The following CHRM3 variants were observed in gnomAD, a reference collection of about 807,000 sequenced individuals.
The protein encoded by CHRM3 is muscarinic acetylcholine receptor M3.
Under a neutral mutation model 41.8 loss-of-function variants are expected in CHRM3, and 11 were observed. That is an observed-to-expected ratio of 0.26 (90% CI 0.17 to 0.44). The LOEUF (loss-of-function observed/expected upper bound fraction) is 0.44, where lower values mean the gene tolerates loss of function less well. CHRM3 is among the 20% of genes least tolerant of loss of function. The pLI is 1.00. For missense variants in CHRM3, 571 were observed against 745.4 expected (o/e 0.77, Z 2.72); for synonymous variants, 297 against 301.4 (o/e 0.99, Z 0.15).
chr1:239,688,771 A>G (rs1659424726), intron 5 of CHRM3, among the ~76,000 whole-genome samples: 1 of 138,034 alleles, frequency 7.2e-6, no homozygotes, highest in South Asian at 2.1e-4. Flanking sequence ...AATATATAAT[A>G]CACTATTCAA....
chr1:239,549,167 A>G (rs956649496), intron 3 of CHRM3, among the ~76,000 whole-genome samples: 14 of 152,218 alleles, frequency 9.2e-5, no homozygotes, highest in Admixed American at 4.6e-4. Flanking sequence ...CAATGATTCA[A>G]TTACCTCCCA....
Position 239,890,109 on chromosome 1 carries a change from C to T in CHRM3, c.-19-17324C>T, listed in dbSNP as rs113666603. On this transcript the variant is annotated intron_variant, in intron 6 of 6. Transcript: ENST00000676153. ...GAGAGGTCGGGAGTTTGAGACCAGC[C>T]TGACCAACATGGAGAAACCCCGTCT... Among the ~76,000 whole-genome samples, 177 of 152,204 alleles carry T rather than the reference C, an allele frequency of 1.2e-3. 4 individuals are homozygous for T. Among genetic ancestry groups the T allele is most frequent in the African/African-American group, 4.0e-3 (168 of 41,530 alleles).
intron 5 of CHRM3, among the ~76,000 whole-genome samples, chr1:239,736,872 A>G (rs1664437549): frequency 6.6e-6 from 1 of 152,172 alleles, no homozygotes; most frequent in Non-Finnish European, 1.5e-5. Flanking sequence ...CCATTGGGTA[A>G]TCATAGAAAT....
intron 2 of CHRM3, among the ~76,000 whole-genome samples, chr1:239,530,890 G>A (rs2148327904): frequency 6.6e-6 from 1 of 152,192 alleles, no homozygotes; most frequent in Non-Finnish European, 1.5e-5. Flanking sequence ...GAAAAAGGCA[G>A]AAAAGGCAGA....
chr1:239,564,816 G>GA (rs947836898), intron 3 of CHRM3, among the ~76,000 whole-genome samples: 1 of 152,056 alleles, frequency 6.6e-6, no homozygotes, highest in African/African-American at 2.4e-5. Flanking sequence ...AGTTTGGAGG[G>GA]AAAAAATAAT....
At chr1:239,478,289 G>T (rs563446910) in intron 1 of CHRM3, among the ~76,000 whole-genome samples, 1 of 152,286 alleles carries the variant, frequency 6.6e-6, no homozygotes, top group African/African-American at 2.4e-5. Context: ...AAAAGAAGGA[G>T]TGTACTCATT....
At chr1:239,798,002 T>C (rs1669928441) in intron 5 of CHRM3, among the ~76,000 whole-genome samples, 1 of 152,068 alleles carries the variant, frequency 6.6e-6, no homozygotes, top group African/African-American at 2.4e-5. Context: ...TGAGCTGTGA[T>C]TGCACCACTG....
intron 1 of CHRM3, among the ~76,000 whole-genome samples, chr1:239,409,943 C>T (rs933231345): frequency 3.3e-5 from 5 of 151,780 alleles, no homozygotes; most frequent in Non-Finnish European, 7.4e-5. Flanking sequence ...TCCGTCTCAA[C>T]AAAAACAAAC....
At chr1:239,835,493 A>G (rs923319264) in intron 6 of CHRM3, among the ~76,000 whole-genome samples, 16 of 152,168 alleles carry the variant, frequency 1.1e-4, no homozygotes, top group Non-Finnish European at 2.2e-4. Flanking sequence ...CTTAGAAAAT[A>G]ATTATTTATT....
At position 239,900,369 on chromosome 1, in the gene CHRM3, T is replaced by C. The variant is rs909215607; in HGVS notation, c.-19-7064T>C. On this transcript the variant is annotated intron_variant, in intron 6 of 6. Coordinates refer to ENST00000676153, the MANE Select transcript of CHRM3 (RefSeq NM_001375978.1). The stretch of plus-strand genomic sequence containing the variant: ...GACTCTCATTTCTAATAAGTACTTT[T>C]AGATATTCTTTTTTTTTTTTTTTTT... 3.4e-5 allele frequency among the ~76,000 whole-genome samples: 5 copies of C among 148,288 alleles called. No homozygotes were observed. The South Asian group carries it at 1.0e-3, about 31-fold the overall frequency.
At chr1:239,671,012 C>G (rs887495665) in intron 4 of CHRM3, among the ~76,000 whole-genome samples, 2 of 152,292 alleles carry the variant, frequency 1.3e-5, no homozygotes, top group African/African-American at 4.8e-5. Context: ...ACATTACATT[C>G]CCATCAGCAG....
intron 6 of CHRM3, among the ~76,000 whole-genome samples, chr1:239,867,350 G>A (rs1676200093): frequency 6.6e-6 from 1 of 152,200 alleles, no homozygotes; most frequent in Non-Finnish European, 1.5e-5. Flanking sequence ...GTAAGATATA[G>A]GAGTGTGCCC....
At chr1:239,712,537 G>A (rs1437945766) in intron 5 of CHRM3, among the ~76,000 whole-genome samples, 1 of 152,172 alleles carries the variant, frequency 6.6e-6, no homozygotes, top group Non-Finnish European at 1.5e-5. Context: ...GTAAGCTGGG[G>A]TATCTCTGAC....
chr1:239,432,386 A>G (rs2103181167), intron 1 of CHRM3, among the ~76,000 whole-genome samples: 1 of 152,278 alleles, frequency 6.6e-6, no homozygotes, highest in African/African-American at 2.4e-5. Flanking sequence ...TTTTATATTG[A>G]TATTGAAACA....
At chr1:239,802,280 T>A (rs1332801482) in intron 5 of CHRM3, among the ~76,000 whole-genome samples, 4 of 152,210 alleles carry the variant, frequency 2.6e-5, no homozygotes, top group Non-Finnish European at 5.9e-5. Flanking sequence ...CAATTAAGCA[T>A]GTGCCATAGA....
chr1:239,852,746 G>GACGT (rs1674797575), intron 6 of CHRM3, among the ~76,000 whole-genome samples: 1 of 152,136 alleles, frequency 6.6e-6, no homozygotes, highest in African/African-American at 2.4e-5. Context: ...ACATAGTGCT[G>GACGT]ACGTAGTTCA....
chr1:239,603,691 A>G (rs1202814495), intron 3 of CHRM3, among the ~76,000 whole-genome samples: 1 of 152,062 alleles, frequency 6.6e-6, no homozygotes, highest in Non-Finnish European at 1.5e-5. Context: ...CTAACCTTAT[A>G]TGATTCGCTC....
chr1:239,632,208 G>A lies in CHRM3; in HGVS notation c.-312-16G>A, dbSNP rs202098800. 6.6e-6 allele frequency: 1 copy of A among 151,932 alleles called. No homozygotes were observed. The highest frequency in any genetic ancestry group is 2.4e-5 in the African/African-American group (1 of 41,358). The allele number at this position is 151,932 out of a possible 1,614,324, so 9.4% of individuals were successfully genotyped here. On this transcript the variant is annotated splice_polypyrimidine_tract_variant and intron_variant, in intron 3 of 6. Coordinates refer to ENST00000676153, the MANE Select transcript of CHRM3 (RefSeq NM_001375978.1). ...GTTAATCCCATATTTTTGTTTGTTT[G>A]TTTGTTCTTTTCTAGCACTTGTGTT...
chr1:239,704,503 T>A (rs184362279), intron 5 of CHRM3: 6 of 152,266 alleles, frequency 3.9e-5, no homozygotes, highest in African/African-American at 1.4e-4. Flanking sequence ...TTTTAGTTTC[T>A]TGTCACAGAA....
Sources: allele counts gnomAD v4.1 joint callset (sites outside exome capture counted in the v4.1 genomes callset), GRCh38; gene constraint gnomAD v4.1.1; transcripts MANE v1.5; gene names NCBI Gene and HGNC (gene_info 2026-07-23, HGNC 2026-07-21).